Variants in C4orf50 observed in about 807,000 individuals in gnomAD.
C4orf50 encodes the protein uncharacterized protein C4orf50.
Under a neutral mutation model 77.2 loss-of-function variants are expected in C4orf50, and 80 were observed. That is an observed-to-expected ratio of 1.04 (90% confidence interval 0.87 to 1.25). The LOEUF (loss-of-function observed/expected upper bound fraction) is 1.25. C4orf50 is among the 50% of genes most tolerant of loss of function. C4orf50 has a pLI of 0.00. For missense variants in C4orf50, 1,257 were observed against 1,152.9 expected, an observed-to-expected ratio of 1.09 and a Z score of -1.31; for synonymous variants, 532 against 465.3, an observed-to-expected ratio of 1.14 and a Z score of -1.84.
intron 7 of C4orf50, among the ~76,000 whole-genome samples, chr4:5,947,963 A>G (rs1718552258): frequency 6.6e-6 from 1 of 152,114 alleles, no homozygotes; most frequent in Non-Finnish European, 1.5e-5. Flanking sequence ...GGCACTCCTC[A>G]CTTCCAGGAG....
intron 7 of C4orf50, among the ~76,000 whole-genome samples, chr4:5,907,401 C>A (rs576437800): frequency 2.0e-3 from 304 of 152,250 alleles, no homozygotes; most frequent in African/African-American, 6.9e-3. Flanking sequence ...GAGAGACAAT[C>A]ATCAGATGCA....
chr4:5,914,916 C>G (rs560734559), intron 7 of C4orf50, among the ~76,000 whole-genome samples: 4 of 152,228 alleles, frequency 2.6e-5, no homozygotes, highest in Non-Finnish European at 5.9e-5. Flanking sequence ...TATTTCCCTA[C>G]TAGGATAAAT....
intron 23 of C4orf50, among the ~76,000 whole-genome samples, chr4:6,016,580 T>C (rs115708600): frequency 4.6e-5 from 7 of 151,992 alleles, no homozygotes; most frequent in East Asian, 1.9e-4. Context: ...CAAAAACAAA[T>C]TGGTTTTGTT....
chr4:5,960,648 G>A (rs1273067890), intron 33 of C4orf50, among the ~76,000 whole-genome samples: 1 of 152,200 alleles, frequency 6.6e-6, no homozygotes, highest in Non-Finnish European at 1.5e-5. Flanking sequence ...ATGCTGCAGG[G>A]TTCAAGCCCG....
intron 28 of C4orf50, 91 bp downstream of exon 6, chr4:5,988,254 TCA>T: frequency 6.7e-7 from 1 of 1,503,732 alleles, no homozygotes; most frequent in Admixed American, 2.0e-5. Context: ...TGTACCTCCC[TCA>T]CAGGACTCTG....
At position 5,912,166 on chromosome 4, in the gene C4orf50, T is replaced by G. The variant is rs181924938; in HGVS notation, c.*2475-13978A>C. Among the ~76,000 whole-genome samples, 3 of 152,290 alleles carry G rather than the reference T, an allele frequency of 2.0e-5. No homozygotes were observed. The East Asian group carries it at 5.8e-4, about 29-fold the overall frequency. ...GTGTAAACACTCCTACTATGGCTGA[T>G]TTTAAGCTGCTGATATGTTGGTAAG... On this transcript the variant is annotated intron_variant, in intron 7 of 7. Coordinates refer to the C4orf50 transcript ENST00000324058.
At chr4:6,012,019 C>A (rs894441739) in intron 23 of C4orf50, 51 bp from the exon 2 acceptor site, 2 of 398,796 alleles carry the variant, frequency 5.0e-6, no homozygotes, top group South Asian at 2.5e-4. Flanking sequence ...GTCAACATGG[C>A]CTAGGGCTTT....
intron 30 of C4orf50, among the ~76,000 whole-genome samples, chr4:5,974,337 G>A (rs1008165807): frequency 2.0e-5 from 3 of 152,284 alleles, no homozygotes; most frequent in East Asian, 1.9e-4. Context: ...TGATGAGAGC[G>A]GTGGGGAGGG....
intron 25 of C4orf50, among the ~76,000 whole-genome samples, chr4:5,997,659 A>G (rs924369466): frequency 2.6e-5 from 4 of 152,274 alleles, no homozygotes; most frequent in African/African-American, 9.6e-5. Context: ...ATAAGCAAAA[A>G]GAAGAAAATG....
At chr4:6,002,698 C>T (rs1721884844) in intron 25 of C4orf50, among the ~76,000 whole-genome samples, 1 of 152,208 alleles carries the variant, frequency 6.6e-6, no homozygotes, top group South Asian at 2.1e-4. Flanking sequence ...CTCAGGGTCG[C>T]TGCTGGTGCC....
At chr4:5,934,978 G>A (rs1030284998) in intron 7 of C4orf50, among the ~76,000 whole-genome samples, 16 of 152,212 alleles carry the variant, frequency 1.1e-4, no homozygotes, top group African/African-American at 3.9e-4. Context: ...CTGTGCTTCA[G>A]TTTCTCCAGC....
intron 29 of C4orf50, among the ~76,000 whole-genome samples, chr4:5,977,369 C>G (rs1044045769): frequency 1.3e-5 from 2 of 152,174 alleles, no homozygotes; most frequent in South Asian, 2.1e-4. Flanking sequence ...GACCAACATA[C>G]CTATATGGAT....
intron 7 of C4orf50, among the ~76,000 whole-genome samples, chr4:5,914,187 G>C (rs1176729005): frequency 7.3e-6 from 1 of 137,698 alleles, no homozygotes; most frequent in African/African-American, 2.8e-5. Context: ...AACAGATTTT[G>C]TTTTTGTTTT....
At chr4:5,996,446 C>CA (rs1721593130) in intron 25 of C4orf50, among the ~76,000 whole-genome samples, 1 of 151,910 alleles carries the variant, frequency 6.6e-6, no homozygotes, top group South Asian at 2.1e-4. Flanking sequence ...CCCCCACCTC[C>CA]ACCCCGCTAC....
chr4:5,990,572 T>A (rs746254464), exon 28 of C4orf50: 3 of 399,024 alleles, frequency 7.5e-6, no homozygotes, highest in Non-Finnish European at 1.3e-5. Context: ...TCTTCTTGGA[T>A]TTTTTGTCCA....
At chr4:5,950,393 G>A (rs550505834) in intron 7 of C4orf50, among the ~76,000 whole-genome samples, 1 of 152,212 alleles carries the variant, frequency 6.6e-6, no homozygotes, top group Non-Finnish European at 1.5e-5. Context: ...AGAGAAGGGG[G>A]TGGTGTAGAA....
Position 5,973,652 on chromosome 4 carries a change from A to C in C4orf50, c.4104+7T>G. On this transcript the variant is annotated splice_region_variant and intron_variant, in intron 31 of 33. Transcript: ENST00000531445. ...AAGCACAGACAGGGCCATCTCTGGG[A>C]CTCTACCTCTGGGACTCCCGGAGCC... 3.1e-6 allele frequency: 5 copies of C among 1,607,142 alleles called. No individual in the cohort carries two copies. Among genetic ancestry groups the C allele is most frequent in the Non-Finnish European group, 4.3e-6 (5 of 1,175,640 alleles).
At chr4:5,997,821 G>A (rs1721661221) in intron 25 of C4orf50, among the ~76,000 whole-genome samples, 1 of 152,198 alleles carries the variant, frequency 6.6e-6, no homozygotes, top group Non-Finnish European at 1.5e-5. Context: ...TGCATTTAAT[G>A]ATATAGAAGG....
At chr4:5,923,630 A>G (rs1053744255) in intron 7 of C4orf50, among the ~76,000 whole-genome samples, 3 of 152,172 alleles carry the variant, frequency 2.0e-5, no homozygotes, top group Admixed American at 1.3e-4. Context: ...GGCATGATCC[A>G]TCAGTAGGGA....
Sources: gnomAD v4.1 joint callset for allele counts (sites outside exome capture counted in the v4.1 genomes callset) on GRCh38, gnomAD v4.1.1 for gene constraint, MANE v1.5 for transcripts, NCBI Gene and HGNC (gene_info 2026-07-23, HGNC 2026-07-21) for gene names.